KIFAP3: variants seen among roughly 807,000 people sequenced by gnomAD.
The protein encoded by KIFAP3 is kinesin-associated protein 3.
In KIFAP3, 68 loss-of-function variants were observed where a neutral mutation model predicts 106.5. The ratio of observed to expected loss-of-function variants is 0.64; its 90% CI spans 0.53 to 0.78. The LOEUF is 0.78. KIFAP3 is among the 30% of genes least tolerant of loss of function. The pLI, the probability that KIFAP3 is intolerant of heterozygous loss-of-function variation, is 0.00. For synonymous variants in KIFAP3, 320 were observed against 311.5 expected (o/e 1.03, Z -0.29); for missense variants, 780 against 941.8 (o/e 0.83, Z 2.25).
intron 19 of KIFAP3, among the ~76,000 whole-genome samples, chr1:169,940,565 C>T (rs1381638292): frequency 6.6e-6 from 1 of 152,102 alleles, no homozygotes; most frequent in African/African-American, 2.4e-5. Flanking sequence ...CAACATAGAT[C>T]CCTAGCATGC....
At chr1:169,927,363 A>G (rs933609502) in intron 19 of KIFAP3, among the ~76,000 whole-genome samples, 67 of 152,352 alleles carry the variant, frequency 4.4e-4, no homozygotes, top group African/African-American at 1.4e-3. Flanking sequence ...CTACTGTAGC[A>G]TATGTATAAA....
intron 17 of KIFAP3, among the ~76,000 whole-genome samples, chr1:169,971,236 C>A (rs905588963): frequency 1.3e-5 from 2 of 151,994 alleles, no homozygotes; most frequent in African/African-American, 4.8e-5. Flanking sequence ...TCCCTCCTTT[C>A]CTCGTTGCTT....
At chr1:169,967,856 T>A (rs759770803) in intron 17 of KIFAP3, among the ~76,000 whole-genome samples, 1 of 151,642 alleles carries the variant, frequency 6.6e-6, no homozygotes, top group Admixed American at 6.6e-5. Context: ...TCTAACCCCA[T>A]CCACCAATCT....
intron 2 of KIFAP3, among the ~76,000 whole-genome samples, chr1:170,052,691 T>C (rs1175217739): frequency 6.6e-6 from 1 of 152,106 alleles, no homozygotes. Flanking sequence ...GTTCAACATA[T>C]GCAAATCAAT....
At chr1:169,992,994 T>C (rs1667175057) in intron 10 of KIFAP3, among the ~76,000 whole-genome samples, 2 of 151,920 alleles carry the variant, frequency 1.3e-5, no homozygotes, top group African/African-American at 4.8e-5. Context: ...AAAAATTTTA[T>C]CCAAAAAACA....
intron 19 of KIFAP3, among the ~76,000 whole-genome samples, chr1:169,931,209 C>T (rs1225281789): frequency 2.6e-5 from 4 of 152,020 alleles, no homozygotes; most frequent in South Asian, 2.1e-4. Flanking sequence ...CGTAAGCCAC[C>T]GTGTCTGACC....
chr1:170,046,712 C>A lies in KIFAP3; in HGVS notation c.319G>T (p.Glu107Ter). ...GGAAGCCAGGAATTCTACTACTTAC[C>A]TTTTCCTGACAATGAATCACGGCGG... ...QNRRDSLSGK[E>*]KKEKSSKPKD... The change falls in exon 3 of 20, where the codon GAG (glutamate) becomes TAG (stop). Residue 107 changes from glutamate to a stop codon, truncating the protein, a stop_gained and splice_region_variant. Transcript: ENST00000361580. LOFTEE classifies it high-confidence loss of function. The A allele has an allele frequency of 6.5e-7, 1 of 1,531,392 alleles. No individual in the cohort carries two copies. Among genetic ancestry groups the A allele is most frequent in the Non-Finnish European group, 8.8e-7 (1 of 1,136,054 alleles). 94.9% of individuals were successfully genotyped at this position (1,531,392 alleles called of 1,614,324 possible).
At chr1:170,038,174 A>T in intron 5 of KIFAP3, 116 bp downstream of exon 5, 1 of 805,772 alleles carries the variant, frequency 1.2e-6, no homozygotes, top group Non-Finnish European at 1.9e-6. Context: ...CTCTCAATTT[A>T]AGAAATCTGA....
intron 10 of KIFAP3, among the ~76,000 whole-genome samples, chr1:170,010,951 A>G (rs1459960786): frequency 6.6e-6 from 1 of 152,090 alleles, no homozygotes; most frequent in East Asian, 1.9e-4. Context: ...TATATGAAAT[A>G]GGTAATTCTT....
At position 169,921,440 on chromosome 1, in the gene KIFAP3, T is replaced by G; in HGVS notation, c.*236A>C. 6.0e-6 allele frequency: 2 copies of G among 330,886 alleles called. No individual in the cohort carries two copies. The highest frequency in any genetic ancestry group is 5.6e-6 in the Non-Finnish European group (1 of 179,530). The allele number at this position is 330,886 out of a possible 1,614,324, so 20.5% of individuals were successfully genotyped here. On this transcript the variant is annotated 3_prime_UTR_variant, in exon 20 of 20. Transcript: ENST00000361580. ...TTTCAGCATTCAGTTTTGTGGCTCA[T>G]GGGAAATGTTACTTAGCATCAAGAT...
In KIFAP3 at chr1:169,977,248, G is replaced by A. The variant is rs76448442; in HGVS notation, c.1897+837C>T. ...CAAAATTTTCAGCTTAAGAGGCTGT[G>A]TAGATGACAATGTTGTTATTCACAA... On this transcript the variant is annotated intron_variant, in intron 16 of 19. Coordinates refer to ENST00000361580, the MANE Select transcript of KIFAP3 (RefSeq NM_014970.4). Among the ~76,000 whole-genome samples, 1,281 of 152,264 alleles carry A rather than the reference G, an allele frequency of 8.4e-3. 23 individuals carry two copies. The highest frequency in any genetic ancestry group is 0.028 in the African/African-American group (1,165 of 41,556).
chr1:170,043,864 C>T (rs1670107521), intron 3 of KIFAP3, among the ~76,000 whole-genome samples: 1 of 152,026 alleles, frequency 6.6e-6, no homozygotes, highest in Non-Finnish European at 1.5e-5. Flanking sequence ...TGCTGGTTCC[C>T]CCAATATTAA....
At chr1:169,980,986 A>G (rs1666489715) in intron 15 of KIFAP3, among the ~76,000 whole-genome samples, 1 of 152,186 alleles carries the variant, frequency 6.6e-6, no homozygotes, top group Non-Finnish European at 1.5e-5. Context: ...CTGTAATCCC[A>G]GCTACTCAGG....
chr1:169,940,891 G>T (rs890275503), intron 19 of KIFAP3, among the ~76,000 whole-genome samples: 1 of 151,456 alleles, frequency 6.6e-6, no homozygotes, highest in African/African-American at 2.4e-5. Context: ...CTTTTGAGCA[G>T]TTGCACTTGT....
intron 1 of KIFAP3, among the ~76,000 whole-genome samples, chr1:170,061,701 G>GAC (rs1161087560): frequency 4.6e-5 from 7 of 151,958 alleles, no homozygotes; most frequent in Non-Finnish European, 7.4e-5. Context: ...CTGCTATAAA[G>GAC]ACACACACAC....
intron 9 of KIFAP3, among the ~76,000 whole-genome samples, chr1:170,017,028 G>A (rs1413831565): frequency 6.6e-6 from 1 of 152,210 alleles, no homozygotes; most frequent in Non-Finnish European, 1.5e-5. Flanking sequence ...GGAGGCCGAG[G>A]CGGGCAGATC....
chr1:169,987,927 C>T (rs187037532), intron 11 of KIFAP3, among the ~76,000 whole-genome samples: 72 of 152,052 alleles, frequency 4.7e-4, no homozygotes, highest in Non-Finnish European at 8.8e-4. Context: ...TATTAGAATA[C>T]AACCATTAAC....
At chr1:169,960,398 CAAAACAG>C (rs756178624) in intron 18 of KIFAP3, among the ~76,000 whole-genome samples, 1 of 151,992 alleles carries the variant, frequency 6.6e-6, no homozygotes, top group Non-Finnish European at 1.5e-5. Context: ...GGCAACAGTA[CAAAACAG>C]TGAGAGCTGG....
At chr1:169,972,660 C>T in intron 16 of KIFAP3, 62 bp from the exon 17 acceptor site, 3 of 737,664 alleles carry the variant, frequency 4.1e-6, no homozygotes, top group South Asian at 3.7e-5. Context: ...AATAATACTA[C>T]AAAAATCTCA....
Sources: allele counts gnomAD v4.1 joint callset (sites outside exome capture counted in the v4.1 genomes callset), GRCh38; gene constraint gnomAD v4.1.1; transcripts MANE v1.5; gene names NCBI Gene and HGNC (gene_info 2026-07-23, HGNC 2026-07-21).